Variants in WWOX observed in about 807,000 individuals in gnomAD.
WWOX encodes WW domain containing oxidoreductase.
Under a neutral mutation model 46.2 loss-of-function variants are expected in WWOX, and 69 were observed. The observed-to-expected ratio is 1.49, with a 90% CI of 1.23 to 1.82. The LOEUF (loss-of-function observed/expected upper bound fraction) is 1.82. WWOX is among the 40% of genes most tolerant of loss of function. The pLI, the probability that WWOX is intolerant of heterozygous loss-of-function variation, is 0.00. For missense variants in WWOX, 919 were observed against 542.6 expected, an observed-to-expected ratio of 1.69 and a Z score of -6.89; for synonymous variants, 359 against 202.6, an observed-to-expected ratio of 1.77 and a Z score of -6.56.
intron 8 of WWOX, among the ~76,000 whole-genome samples, chr16:78,913,987 G>A (rs954621335): frequency 2.6e-5 from 4 of 151,914 alleles, no homozygotes; most frequent in African/African-American, 7.2e-5. Flanking sequence ...ACAAGAAATT[G>A]TACCAGGAAA....
At chr16:78,646,104 C>A (rs1040761974) in intron 8 of WWOX, among the ~76,000 whole-genome samples, 9 of 152,182 alleles carry the variant, frequency 5.9e-5, no homozygotes, top group African/African-American at 9.7e-5. Context: ...CAAGAACTTA[C>A]ATCCCTCTAC....
intron 8 of WWOX, among the ~76,000 whole-genome samples, chr16:78,889,489 G>T (rs1357485624): frequency 6.6e-6 from 1 of 151,986 alleles, no homozygotes; most frequent in African/African-American, 2.4e-5. Flanking sequence ...GTTGATGCTA[G>T]ACTGTTGCAG....
intron 8 of WWOX, among the ~76,000 whole-genome samples, chr16:79,108,149 A>C (rs1159145215): frequency 2.0e-5 from 3 of 152,154 alleles, no homozygotes; most frequent in Non-Finnish European, 4.4e-5. Flanking sequence ...TAAAATAGGC[A>C]CTCTGTTGGT....
At chr16:78,411,163 C>T (rs2082671752) in intron 6 of WWOX, among the ~76,000 whole-genome samples, 1 of 152,072 alleles carries the variant, frequency 6.6e-6, no homozygotes, top group African/African-American at 2.4e-5. Context: ...TCTCACCCAC[C>T]CTTGAGGTGA....
chr16:78,642,858 C>G (rs890788567), intron 8 of WWOX, among the ~76,000 whole-genome samples: 13 of 152,170 alleles, frequency 8.5e-5, no homozygotes, highest in African/African-American at 3.1e-4. Flanking sequence ...CTTTAATAAT[C>G]AACCAAATTC....
intron 8 of WWOX, among the ~76,000 whole-genome samples, chr16:78,797,560 T>C (rs2050776309): frequency 6.6e-6 from 1 of 152,134 alleles, no homozygotes; most frequent in South Asian, 2.1e-4. Flanking sequence ...GTCTGGCTGC[T>C]TTTTCAACCT....
intron 5 of WWOX, among the ~76,000 whole-genome samples, chr16:78,362,123 C>G (rs975356227): frequency 6.6e-6 from 1 of 151,766 alleles, no homozygotes; most frequent in African/African-American, 2.4e-5. Context: ...TTTTTATGTC[C>G]GGTGGCCATA....
chr16:78,226,662 A>T (rs2037070500), intron 5 of WWOX, among the ~76,000 whole-genome samples: 1 of 151,968 alleles, frequency 6.6e-6, no homozygotes, highest in Non-Finnish European at 1.5e-5. Context: ...GTGGAGAATA[A>T]TAGGTAACAG....
chr16:79,161,637 C>G (rs904981772), intron 8 of WWOX, among the ~76,000 whole-genome samples: 1 of 152,150 alleles, frequency 6.6e-6, no homozygotes, highest in South Asian at 2.1e-4. Context: ...ATTCCCCTGC[C>G]TCAGCTTCCC....
chr16:78,924,525 C>A lies in WWOX; in HGVS notation c.1057-287083C>A, dbSNP rs372074232. The stretch of plus-strand genomic sequence containing the variant: ...GTACTTGAGTAATTTACTCAAGATT[C>A]TCTTCAGCCCAGTTTCCTTATCTGT... On this transcript the variant is annotated intron_variant, in intron 8 of 8. Coordinates refer to ENST00000566780, the MANE Select transcript of WWOX (RefSeq NM_016373.4). 2.6e-4 allele frequency among the ~76,000 whole-genome samples: 39 copies of A among 152,310 alleles called. No individual in the cohort carries two copies. In the South Asian group the frequency reaches 8.1e-3, roughly 32 times the overall value.
chr16:78,347,852 C>T (rs1027543134), intron 5 of WWOX, among the ~76,000 whole-genome samples: 2 of 121,674 alleles, frequency 1.6e-5, no homozygotes, highest in African/African-American at 5.6e-5. Flanking sequence ...TCATTTTCCA[C>T]TTTCCTTAAT....
intron 8 of WWOX, among the ~76,000 whole-genome samples, chr16:79,085,349 A>T (rs2048835343): frequency 6.6e-6 from 1 of 152,138 alleles, no homozygotes; most frequent in Non-Finnish European, 1.5e-5. Context: ...AAATGATATG[A>T]GGTTGAAGTG....
At position 78,406,303 on chromosome 16, in the gene WWOX, AATATATATATATATATATAT is replaced by A. The variant is rs532594425; in HGVS notation, c.606-18534_606-18515del. On this transcript the variant is annotated intron_variant, in intron 6 of 8. Transcript: ENST00000566780. The stretch of plus-strand genomic sequence containing the variant: ...CATTACATTACAGCATATAAATATA[AATATATATATATATATATAT>A]ATATATATATATATATATATATATA... Among the ~76,000 whole-genome samples, 351 of 57,834 alleles carry A rather than the reference AATATATATATATATATATAT, an allele frequency of 6.1e-3. 5 individuals are homozygous for A. The highest frequency in any genetic ancestry group is 9.1e-3 in the Non-Finnish European group (231 of 25,250). The allele number at this position is 57,834 out of a possible 152,430, so 37.9% of individuals were successfully genotyped here. A position where few individuals can be genotyped will look rare whatever the true frequency, so the allele number is the denominator to read the frequency against.
rs1597208322 is a variant in WWOX at position 78,522,795 on chromosome 16, G to A, written c.1056+90043G>A. On this transcript the variant is annotated intron_variant, in intron 8 of 8. Coordinates refer to ENST00000566780, the MANE Select transcript of WWOX (RefSeq NM_016373.4). ...GGGTTAAAAATCTAACAGTGGGCCA[G>A]GCGCAGTGGCTCACGCCTGTAATCA... is the stretch of plus-strand genomic sequence containing the variant. Among the ~76,000 whole-genome samples the A allele has an allele frequency of 2.6e-5, 4 of 152,352 alleles. No individual in the cohort carries two copies. In the Middle Eastern group the frequency reaches 0.014, roughly 518 times the overall value.
chr16:78,796,760 C>G (rs1227618146), intron 8 of WWOX, among the ~76,000 whole-genome samples: 1 of 152,100 alleles, frequency 6.6e-6, no homozygotes, highest in Non-Finnish European at 1.5e-5. Context: ...GCCATCCAGC[C>G]ACTCATTGCT....
chr16:78,875,696 T>C (rs1385212851), intron 8 of WWOX, among the ~76,000 whole-genome samples: 1 of 152,166 alleles, frequency 6.6e-6, no homozygotes, highest in African/African-American at 2.4e-5. Context: ...ACTTGGTTTT[T>C]CTAAGCCACA....
chr16:78,689,456 C>G (rs919301059), intron 8 of WWOX, among the ~76,000 whole-genome samples: 1 of 152,234 alleles, frequency 6.6e-6, no homozygotes, highest in African/African-American at 2.4e-5. Context: ...TTTAGCTCAG[C>G]TCCTCAGAGC....
At chr16:78,583,076 G>A (rs1301967644) in intron 8 of WWOX, among the ~76,000 whole-genome samples, 1 of 152,228 alleles carries the variant, frequency 6.6e-6, no homozygotes, top group Non-Finnish European at 1.5e-5. Context: ...TCCGAGCAGA[G>A]CTCTTGAAGA....
chr16:78,932,668 C>T (rs2045649221), intron 8 of WWOX, among the ~76,000 whole-genome samples: 2 of 152,322 alleles, frequency 1.3e-5, no homozygotes, highest in East Asian at 1.9e-4. Context: ...GTGAATTCCC[C>T]CCATGGGAGG....
Sources: allele counts gnomAD v4.1 joint callset (sites outside exome capture counted in the v4.1 genomes callset), GRCh38; gene constraint gnomAD v4.1.1; transcripts MANE v1.5; gene names NCBI Gene and HGNC (gene_info 2026-07-23, HGNC 2026-07-21).